Variants in PPP2R3A observed in about 807,000 individuals in gnomAD.
PPP2R3A encodes the protein serine/threonine-protein phosphatase 2A regulatory subunit B'' subunit alpha.
A neutral mutation model predicts 106.9 loss-of-function variants in PPP2R3A; 80 were observed. The observed-to-expected ratio is 0.75, with a 90% CI of 0.62 to 0.90. The LOEUF (loss-of-function observed/expected upper bound fraction) is 0.90. PPP2R3A is among the 40% of genes least tolerant of loss of function. The probability of loss-of-function intolerance (pLI) is 0.00; values close to 1 mark genes in which losing one functional copy is unlikely to be tolerated. For missense variants in PPP2R3A, 1,386 were observed against 1,350.4 expected, an observed-to-expected ratio of 1.03 and a Z score of -0.41; for synonymous variants, 483 against 468.3, an observed-to-expected ratio of 1.03 and a Z score of -0.41.
rs1242302662 is a variant in PPP2R3A at position 136,090,510 on chromosome 3, G to A, written c.2838-68G>A. On this transcript the variant is annotated intron_variant, in intron 9 of 13. Coordinates refer to ENST00000264977, the MANE Select transcript of PPP2R3A (RefSeq NM_002718.5). ...AACTGACATACTACTTTATTTCTTA[G>A]CCTATCATCCTGATAAATGGTTCTG... 30 of 1,301,968 alleles carry A rather than the reference G, an allele frequency of 2.3e-5. No individual in the cohort carries two copies. In the East Asian group the frequency reaches 6.9e-4, roughly 30 times the overall value. 80.7% of individuals were successfully genotyped at this position (1,301,968 alleles called of 1,614,324 possible).
intron 2 of PPP2R3A, among the ~76,000 whole-genome samples, chr3:136,009,639 A>G (rs1356340099): frequency 6.6e-6 from 1 of 152,104 alleles, no homozygotes; most frequent in Non-Finnish European, 1.5e-5. Flanking sequence ...ATAGAAATGC[A>G]TATTCTCCTA....
At chr3:136,055,230 T>C (rs1935820214) in intron 5 of PPP2R3A, 3 of 788,034 alleles carry the variant, frequency 3.8e-6, no homozygotes, top group East Asian at 2.5e-5. Flanking sequence ...CCAGACATAC[T>C]TTCTATCAAG....
At chr3:136,057,005 A>G (rs1332860838) in intron 5 of PPP2R3A, among the ~76,000 whole-genome samples, 1 of 152,148 alleles carries the variant, frequency 6.6e-6, no homozygotes, top group African/African-American at 2.4e-5. Context: ...CCTTCTCCCC[A>G]GTTAAAATGG....
chr3:136,011,744 A>C (rs1175108469), intron 2 of PPP2R3A, among the ~76,000 whole-genome samples: 2 of 152,208 alleles, frequency 1.3e-5, no homozygotes, highest in African/African-American at 4.8e-5. Context: ...AGCAAACCGT[A>C]ACTAGTCTAG....
At chr3:136,144,725 A>C (rs1223385529) in intron 13 of PPP2R3A, among the ~76,000 whole-genome samples, 3 of 151,918 alleles carry the variant, frequency 2.0e-5, no homozygotes, top group African/African-American at 7.3e-5. Flanking sequence ...TAATGCTCAT[A>C]CTTCATGGAC....
intron 5 of PPP2R3A, among the ~76,000 whole-genome samples, chr3:136,059,599 C>T (rs1936006943): frequency 1.3e-5 from 2 of 152,170 alleles, no homozygotes; most frequent in Admixed American, 6.5e-5. Context: ...GATAGAAATA[C>T]CATTTGACCC....
intron 4 of PPP2R3A, among the ~76,000 whole-genome samples, chr3:136,043,376 G>A (rs1331464538): frequency 1.3e-5 from 2 of 152,014 alleles, no homozygotes; most frequent in African/African-American, 2.4e-5. Flanking sequence ...GGAGAATCGC[G>A]GGAACCCAGG....
At chr3:136,116,979 T>C (rs888444328) in intron 13 of PPP2R3A, among the ~76,000 whole-genome samples, 2 of 152,166 alleles carry the variant, frequency 1.3e-5, no homozygotes, top group Non-Finnish European at 2.9e-5. Context: ...ATTGACCACA[T>C]AATTGGAAGT....
chr3:136,100,492 T>C (rs1236931733), intron 10 of PPP2R3A, among the ~76,000 whole-genome samples: 6 of 151,070 alleles, frequency 4.0e-5, no homozygotes, highest in Non-Finnish European at 5.9e-5. Context: ...CTGGTCAATA[T>C]GGTGAAACCC....
chr3:136,081,003 T>G lies in PPP2R3A; in HGVS notation c.2632-1262T>G, dbSNP rs865908329. On this transcript the variant is annotated intron_variant, in intron 7 of 13. Coordinates refer to ENST00000264977, the MANE Select transcript of PPP2R3A (RefSeq NM_002718.5). ...CCTCATGTGTTTCTTTTTTCTTTTT[T>G]TTTTCTTTGAGACGGAGTTTTGCCC... Among the ~76,000 whole-genome samples the G allele has an allele frequency of 6.2e-3, 944 of 152,286 alleles. 13 individuals carry two copies. The highest frequency in any genetic ancestry group is 0.022 in the African/African-American group (895 of 41,568).
At chr3:136,012,924 A>G (rs895534074) in intron 2 of PPP2R3A, among the ~76,000 whole-genome samples, 6 of 152,064 alleles carry the variant, frequency 3.9e-5, no homozygotes, top group African/African-American at 9.7e-5. Context: ...TGCCTAATGT[A>G]TAGTCTTTTA....
At chr3:135,997,197 A>G (rs988983161) in intron 1 of PPP2R3A, among the ~76,000 whole-genome samples, 1 of 152,144 alleles carries the variant, frequency 6.6e-6, no homozygotes, top group Admixed American at 6.5e-5. Context: ...TAGTCTACCT[A>G]CACCACTTTT....
At chr3:136,117,445 C>G (rs1022565976) in intron 13 of PPP2R3A, among the ~76,000 whole-genome samples, 5 of 152,088 alleles carry the variant, frequency 3.3e-5, no homozygotes, top group East Asian at 3.8e-4. Context: ...AATCCAGGAG[C>G]TGGTTTTTTG....
In PPP2R3A at chr3:135,977,940, A is replaced by G. The variant is rs183044241; in HGVS notation, c.-441+12091A>G. Among the ~76,000 whole-genome samples the G allele has an allele frequency of 6.2e-3, 945 of 152,108 alleles. 7 individuals are homozygous for G. The highest frequency in any genetic ancestry group is 0.01 in the Non-Finnish European group (706 of 67,976). ...GTCTTGAACTCCTAAGCTAAAAGCT[A>G]TCCGCCTGCCTCAGCCTCCCAAAGT... On this transcript the variant is annotated intron_variant, in intron 1 of 13. Coordinates refer to ENST00000264977, the MANE Select transcript of PPP2R3A (RefSeq NM_002718.5).
chr3:136,119,850 A>G (rs1937924673), intron 13 of PPP2R3A, among the ~76,000 whole-genome samples: 1 of 152,212 alleles, frequency 6.6e-6, no homozygotes, highest in African/African-American at 2.4e-5. Context: ...CAGCAATTCC[A>G]TTACTGAGTA....
At chr3:136,057,181 C>T (rs1007216996) in intron 5 of PPP2R3A, among the ~76,000 whole-genome samples, 5 of 151,996 alleles carry the variant, frequency 3.3e-5, no homozygotes, top group Admixed American at 6.6e-5. Flanking sequence ...CCATATGATC[C>T]GGAAATATCC....
chr3:136,132,995 G>A (rs1938484300), intron 13 of PPP2R3A, among the ~76,000 whole-genome samples: 1 of 151,978 alleles, frequency 6.6e-6, no homozygotes, highest in Non-Finnish European at 1.5e-5. Context: ...ATATCCATGT[G>A]CCAAAAAGAA....
intron 1 of PPP2R3A, among the ~76,000 whole-genome samples, chr3:135,980,506 A>G (rs542909685): frequency 1.0e-3 from 152 of 151,966 alleles, no homozygotes; most frequent in Non-Finnish European, 1.8e-3. Flanking sequence ...AGTTTATAAC[A>G]TGAACTACTT....
In PPP2R3A at chr3:136,062,287, A is replaced by G. The variant is rs549933353; in HGVS notation, c.2470-8191A>G. Among the ~76,000 whole-genome samples the G allele has an allele frequency of 4.4e-4, 67 of 152,322 alleles. 1 individual carries two copies. The highest frequency in any genetic ancestry group is 5.9e-4 in the Non-Finnish European group (40 of 68,038). The stretch of plus-strand genomic sequence containing the variant: ...ACCTAAGACACAGTGGATTCAATCC[A>G]GAGAAGTAATGAAGGGCAGCATCAG... On this transcript the variant is annotated intron_variant, in intron 5 of 13. Transcript: ENST00000264977.
Sources: gnomAD v4.1 joint callset for allele counts (sites outside exome capture counted in the v4.1 genomes callset) on GRCh38, gnomAD v4.1.1 for gene constraint, MANE v1.5 for transcripts, NCBI Gene and HGNC (gene_info 2026-07-23, HGNC 2026-07-21) for gene names.